The following CEP41 variants were observed in gnomAD, a reference collection of about 807,000 sequenced individuals.
The protein encoded by CEP41 is centrosomal protein of 41 kDa.
In CEP41, 32 loss-of-function variants were observed where a neutral mutation model predicts 44.3. The observed-to-expected ratio is 0.72, with a 90% CI of 0.54 to 0.97. The LOEUF is 0.97. CEP41 is among the 50% of genes least tolerant of loss of function. CEP41 has a pLI of 0.00. For missense variants in CEP41, 432 were observed against 455.2 expected (o/e 0.95, Z 0.46); for synonymous variants, 151 against 168.5 (o/e 0.90, Z 0.80).
In CEP41 at chr7:130,395,332, T is replaced by C. The variant is rs1261331493; in HGVS notation, c.*3559A>G. Reference sequence around the variant, plus strand: ...ATGCTCACATAATTAAACTGGTGAATTATATTCCACACATTTGCGGTGTTT... The same window carrying C: ...ATGCTCACATAATTAAACTGGTGAACTATATTCCACACATTTGCGGTGTTT... On this transcript the variant is annotated 3_prime_UTR_variant, in exon 11 of 11. Transcript: ENST00000223208. The C allele has an allele frequency of 1.8e-5, 8 of 453,298 alleles. No homozygotes were observed. Among genetic ancestry groups the C allele is most frequent in the African/African-American group, 1.6e-4 (8 of 49,598 alleles). The allele number at this position is 453,298 out of a possible 1,614,324, so 28.1% of individuals were successfully genotyped here. A position where few individuals can be genotyped will look rare whatever the true frequency, so the allele number is the denominator to read the frequency against.
intron 2 of CEP41, chr7:130,420,995 G>A (rs1325901486): frequency 1.5e-5 from 15 of 979,720 alleles, no homozygotes; most frequent in Non-Finnish European, 1.7e-5. Flanking sequence ...ATTGCTTCAC[G>A]ACTTAAGCAA....
At position 130,417,179 on chromosome 7, in the gene CEP41, T is replaced by C. The variant is rs544568086; in HGVS notation, c.98-213A>G. The C allele has an allele frequency of 1.3e-4, 181 of 1,370,136 alleles. No individual in the cohort carries two copies. In the African/African-American group the frequency reaches 2.4e-3, roughly 18 times the overall value. 84.9% of individuals were successfully genotyped at this position (1,370,136 alleles called of 1,614,324 possible). On this transcript the variant is annotated intron_variant, in intron 2 of 10. Transcript: ENST00000223208. ...AGCCGAGGGAAATGTTTTGGTAGAA[T>C]GTGTTTAAGCTGGGATGCATACCCC... is the stretch of plus-strand genomic sequence containing the variant.
chr7:130,435,833 A>G (rs1298735612), intron 1 of CEP41, among the ~76,000 whole-genome samples: 1 of 152,142 alleles, frequency 6.6e-6, no homozygotes, highest in Non-Finnish European at 1.5e-5. Context: ...GACAACCAAA[A>G]TGTCCTATAC....
chr7:130,398,642 T>C lies in CEP41; in HGVS notation c.*249A>G, dbSNP rs1796745564. On this transcript the variant is annotated 3_prime_UTR_variant, in exon 11 of 11. Coordinates refer to ENST00000223208, the MANE Select transcript of CEP41 (RefSeq NM_018718.3). ...TATACAGTTTCACAAGACTTAAATA[T>C]GCTGTAAACAACAGGGAGGAGACTA... 1 of 682,058 alleles carries C rather than the reference T, an allele frequency of 1.5e-6. No homozygotes were observed. The highest frequency in any genetic ancestry group is 2.7e-6 in the Non-Finnish European group (1 of 372,238). 42.3% of individuals were successfully genotyped at this position (682,058 alleles called of 1,614,324 possible).
At position 130,395,957 on chromosome 7, in the gene CEP41, C is replaced by T. The variant is rs1378231495; in HGVS notation, c.*2934G>A. 2 of 453,270 alleles carry T rather than the reference C, an allele frequency of 4.4e-6. No homozygotes were observed. Among genetic ancestry groups the T allele is most frequent in the South Asian group, 1.6e-5 (1 of 64,194 alleles). The allele number at this position is 453,270 out of a possible 1,614,324, so 28.1% of individuals were successfully genotyped here. A position where few individuals can be genotyped will look rare whatever the true frequency, so the allele number is the denominator to read the frequency against. On this transcript the variant is annotated 3_prime_UTR_variant, in exon 11 of 11. Coordinates refer to ENST00000223208, the MANE Select transcript of CEP41 (RefSeq NM_018718.3). ...TTCCATACTTTTTCAAGAGATTGAG[C>T]CTGACATTATTACAGCCCAGGGTGT... is the stretch of plus-strand genomic sequence containing the variant.
chr7:130,432,064 G>A (rs945094066), intron 1 of CEP41, among the ~76,000 whole-genome samples: 4 of 152,134 alleles, frequency 2.6e-5, no homozygotes, highest in South Asian at 2.1e-4. Flanking sequence ...CAGCCCAAAC[G>A]CCAATAGTGC....
intron 1 of CEP41, among the ~76,000 whole-genome samples, chr7:130,430,374 C>A (rs1448861143): frequency 6.6e-6 from 1 of 152,032 alleles, no homozygotes; most frequent in African/African-American, 2.4e-5. Context: ...CCAGGCAAAT[C>A]ACATCTTTAT....
intron 2 of CEP41, chr7:130,426,979 C>T (rs966019347): frequency 6.2e-6 from 1 of 160,646 alleles, no homozygotes; most frequent in Non-Finnish European, 1.4e-5. Context: ...GTCTGAATGA[C>T]GGGTACCAAG....
intron 6 of CEP41, among the ~76,000 whole-genome samples, chr7:130,403,873 A>T (rs1323816852): frequency 3.3e-5 from 5 of 152,226 alleles, no homozygotes; most frequent in Admixed American, 6.5e-5. Context: ...CTAAAAGAAT[A>T]ATAATAATGG....
chr7:130,428,380 G>A (rs1321801536), intron 1 of CEP41, among the ~76,000 whole-genome samples: 2 of 119,218 alleles, frequency 1.7e-5, no homozygotes, highest in Non-Finnish European at 1.6e-5. Context: ...GGTGAGGTGA[G>A]ATTATGCCAC....
At chr7:130,420,039 T>C (rs1554421807) in intron 2 of CEP41, 1 of 985,256 alleles carries the variant, frequency 1.0e-6, no homozygotes, top group African/African-American at 1.7e-5. Flanking sequence ...TGCTGAATGA[T>C]GGTCAGGTGC....
intron 5 of CEP41, among the ~76,000 whole-genome samples, chr7:130,408,749 T>A (rs1797085606): frequency 6.6e-6 from 1 of 152,110 alleles, no homozygotes; most frequent in Non-Finnish European, 1.5e-5. Context: ...ATAATCAGAA[T>A]CATACAAACA....
chr7:130,410,203 T>G (rs1554419193), intron 5 of CEP41, among the ~76,000 whole-genome samples: 1 of 151,838 alleles, frequency 6.6e-6, no homozygotes, highest in East Asian at 1.9e-4. Context: ...TTTTTCTATT[T>G]TTTTTAGTAG....
At position 130,396,442 on chromosome 7, in the gene CEP41, T is replaced by C. The variant is rs917190260; in HGVS notation, c.*2449A>G. The C allele has an allele frequency of 4.4e-6, 2 of 454,382 alleles. No individual in the cohort carries two copies. Among genetic ancestry groups the C allele is most frequent in the Admixed American group, 4.7e-5 (2 of 42,562 alleles). The allele number at this position is 454,382 out of a possible 1,614,324, so 28.1% of individuals were successfully genotyped here. A position where few individuals can be genotyped will look rare whatever the true frequency, so the allele number is the denominator to read the frequency against. On this transcript the variant is annotated 3_prime_UTR_variant, in exon 11 of 11. Coordinates refer to ENST00000223208, the MANE Select transcript of CEP41 (RefSeq NM_018718.3). ...GCTTTCCTAGGAGATGCAGCAAAAA[T>C]CACACCAGTCTCCTGTGGCTCCCCC... is the stretch of plus-strand genomic sequence containing the variant.
rs1554414812 is a variant in CEP41 at position 130,396,869 on chromosome 7, A to T, written c.*2022T>A. 8.9e-6 allele frequency: 4 copies of T among 448,234 alleles called. No individual in the cohort carries two copies. In the Admixed American group the frequency reaches 9.6e-5, roughly 11 times the overall value. 27.8% of individuals were successfully genotyped at this position (448,234 alleles called of 1,614,324 possible). A position where few individuals can be genotyped will look rare whatever the true frequency, so the allele number is the denominator to read the frequency against. On this transcript the variant is annotated 3_prime_UTR_variant, in exon 11 of 11. Coordinates refer to ENST00000223208, the MANE Select transcript of CEP41 (RefSeq NM_018718.3). ...GGCTGACCTGGCTTTCCACATATAT[A>T]CAGTGGTTTCTAATACTCCAAAGTT...
intron 9 of CEP41, 124 bp downstream of exon 9, chr7:130,400,583 G>A (rs1450147064): frequency 8.1e-6 from 6 of 745,324 alleles, no homozygotes; most frequent in Admixed American, 2.0e-5. Flanking sequence ...ACTCCTTTCA[G>A]CCAGCATGGC....
At chr7:130,424,126 G>A (rs889246332) in intron 2 of CEP41, among the ~76,000 whole-genome samples, 1 of 152,226 alleles carries the variant, frequency 6.6e-6, no homozygotes, top group Non-Finnish European at 1.5e-5. Flanking sequence ...GCTGGGCACT[G>A]TAGCTCATGC....
At chr7:130,402,046 T>C in intron 7 of CEP41, 98 bp from the exon 8 acceptor site, 2 of 833,408 alleles carry the variant, frequency 2.4e-6, no homozygotes. Context: ...TAAATACATC[T>C]TCAAAATCCA....
intron 2 of CEP41, among the ~76,000 whole-genome samples, chr7:130,423,767 G>C (rs1283782643): frequency 6.6e-6 from 1 of 152,148 alleles, no homozygotes; most frequent in Non-Finnish European, 1.5e-5. Context: ...TACAACAGAA[G>C]ATTATTTGGC....
Sources: allele counts gnomAD v4.1 joint callset (sites outside exome capture counted in the v4.1 genomes callset), GRCh38; gene constraint gnomAD v4.1.1; transcripts MANE v1.5; gene names NCBI Gene and HGNC (gene_info 2026-07-23, HGNC 2026-07-21).